The following NEB variants were observed in gnomAD, a reference collection of about 807,000 sequenced individuals.
NEB encodes nemaline myopathy type 2.
Under a neutral mutation model 952.2 loss-of-function variants are expected in NEB, and 512 were observed. That is an observed-to-expected ratio of 0.54 (90% CI 0.50 to 0.58). NEB has a LOEUF of 0.58. Among genes scored for constraint, NEB ranks in the 20% least tolerant of loss-of-function variants. NEB has a pLI of 0.00. For missense variants in NEB, 8,428 were observed against 9,231.1 expected (o/e 0.91, Z 3.56); for synonymous variants, 2,900 against 3,149.8 (o/e 0.92, Z 2.66).
At chr2:151,628,305 C>A (rs754158432) in intron 68 of NEB, among the ~76,000 whole-genome samples, 85 of 152,198 alleles carry the variant, frequency 5.6e-4, no homozygotes, top group Non-Finnish European at 1.2e-3. Context: ...ACACTCCTTC[C>A]CAAATCCAGC....
chr2:151,489,049 G>A (rs930630771), intron 181 of NEB, among the ~76,000 whole-genome samples: 47 of 152,096 alleles, frequency 3.1e-4, no homozygotes, highest in African/African-American at 1.1e-3. Context: ...GGTTAGCACA[G>A]TTTCTTTAAA....
In NEB at chr2:151,695,665, T is replaced by C. The variant is rs2099590689; in HGVS notation, c.1587A>G (p.Lys529=). 5 of 1,613,162 alleles carry C rather than the reference T, an allele frequency of 3.1e-6. 1 individual carries two copies. In the South Asian group the frequency reaches 5.5e-5, roughly 18 times the overall value. Residue 529 remains lysine (K), a synonymous_variant, in exon 18 of 182, where the codon AAA becomes AAG. Coordinates refer to ENST00000397345, the MANE Select transcript of NEB (RefSeq NM_001164508.2). The stretch of plus-strand genomic sequence containing the variant: ...GGCACTTGAACTTTTCACTTTCATG[T>C]TTTGCTTTGTAATTTAACTATGACA... The part of the protein sequence containing the change: ...KQLSDLNYKA[K]HESEKFKCHI...
rs1423681432 is a variant in NEB at position 151,570,342 on chromosome 2, G to A, written c.17169C>T (p.Thr5723=). The change falls in exon 109 of 182, where the codon ACC becomes ACT. Residue 5723 remains threonine, a synonymous_variant. Transcript: ENST00000397345. ...HEKQKGHYVG[T]LTARDDNKIR... ...TCTTGTTGTCATCCCTGGCTGTGAG[G>A]GTGCCCACGTAGTGTCCCTTCTGCT... The A allele has an allele frequency of 1.2e-6, 2 of 1,602,924 alleles. No individual in the cohort carries two copies. Among genetic ancestry groups the A allele is most frequent in the South Asian group, 1.1e-5 (1 of 89,820 alleles).
rs752982584 is a variant in NEB, at chr2:151,512,849, C to T, written c.23242-12G>A. 4 of 1,567,960 alleles carry T rather than the reference C, an allele frequency of 2.6e-6. No individual in the cohort carries two copies. The highest frequency in any genetic ancestry group is 3.5e-6 in the Non-Finnish European group (4 of 1,140,284). ...TGCTTATACTTAATCTGTAAAACAA[C>T]ACCGAATAGTTGGGTAAATGTTTGC... On this transcript the variant is annotated splice_polypyrimidine_tract_variant and intron_variant, in intron 160 of 181. Transcript: ENST00000397345.
chr2:151,695,343 G>A (rs1326896400), intron 18 of NEB, among the ~76,000 whole-genome samples: 1 of 152,036 alleles, frequency 6.6e-6, no homozygotes, highest in African/African-American at 2.4e-5. Flanking sequence ...CTGAGGGCTG[G>A]TTACAATACT....
In NEB at chr2:151,636,247, A is replaced by G; in HGVS notation, c.9082T>C (p.Ser3028Pro). Residue 3028 changes from serine (S) to proline (P), a missense_variant, in exon 64 of 182, where the codon TCC (serine) becomes CCC (proline). This residue lies in a region of NEB where 1,772 missense variants were observed against 1,960.3 expected (regional missense o/e 0.90). Transcript: ENST00000397345. Reference protein sequence around the residue: ...DAIPIVAAKASRDIISDYKYK... With the variant: ...DAIPIVAAKAPRDIISDYKYK... ...CTCACGTCACTGATGATGTCCCTGG[A>G]GGCCTTGGCCGCCACGATGGGGATG... 2 of 1,609,758 alleles carry G rather than the reference A, an allele frequency of 1.2e-6. No homozygotes were observed. The highest frequency in any genetic ancestry group is 1.7e-6 in the Non-Finnish European group (2 of 1,179,556).
intron 3 of NEB, 118 bp from the exon 4 acceptor site, chr2:151,729,774 G>C: frequency 9.5e-7 from 1 of 1,047,442 alleles, no homozygotes; most frequent in Non-Finnish European, 1.5e-6. Flanking sequence ...ATGTCTGTGG[G>C]AAAGGGGTAG....
chr2:151,669,963 G>T (rs2099265775), intron 38 of NEB, among the ~76,000 whole-genome samples: 1 of 152,166 alleles, frequency 6.6e-6, no homozygotes, highest in African/African-American at 2.4e-5. Flanking sequence ...CTCAGCAGAG[G>T]TACTGCATGT....
At chr2:151,631,414 G>T (rs2098664735) in intron 65 of NEB, 68 bp from the exon 66 acceptor site, 1 of 1,488,298 alleles carries the variant, frequency 6.7e-7, no homozygotes, top group Non-Finnish European at 9.2e-7. Flanking sequence ...TATGCAAATA[G>T]AATCAGTAAT....
chr2:151,708,798 C>A (rs756245968), intron 12 of NEB, among the ~76,000 whole-genome samples: 45 of 152,316 alleles, frequency 3.0e-4, no homozygotes, highest in Admixed American at 5.2e-4. Flanking sequence ...CCATAGTCTT[C>A]CCTGTCTCAA....
chr2:151,672,671 T>C lies in NEB; in HGVS notation c.3997A>G (p.Lys1333Glu). Residue 1333 changes from lysine to glutamate, a missense_variant, in exon 37 of 182, where the codon AAG becomes GAG. Lys to Glu is a moderately conservative substitution (Grantham distance 56, BLOSUM62 1). Around this residue, in one of 11 missense-constraint regions of NEB, gnomAD observed 2,851 missense variants for 2,791.5 expected, o/e 1.02. Coordinates refer to ENST00000397345, the MANE Select transcript of NEB (RefSeq NM_001164508.2). ...CCCTTTGACTTCTCATAAGCTTCCT[T>C]GTATTTATACTGTGGAGGCAGAATT... is the stretch of plus-strand genomic sequence containing the variant. Reference protein sequence around the residue: ...SRNIASDYKYKEAYEKSKGKH... With the variant: ...SRNIASDYKYEEAYEKSKGKH... The C allele has an allele frequency of 6.2e-7, 1 of 1,613,032 alleles. No individual in the cohort carries two copies. The highest frequency in any genetic ancestry group is 2.2e-5 in the East Asian group (1 of 44,874).
rs1472278400 is a variant in NEB at position 151,626,863 on chromosome 2, C to A, written c.10347+139G>T. On this transcript the variant is annotated intron_variant, in intron 70 of 181. Transcript: ENST00000397345. ...AATGCTCCCATATATTGTTATCTAA[C>A]AGAATAGAGAATTCAACTGAATCAC... 1.7e-5 allele frequency: 19 copies of A among 1,090,526 alleles called. No individual in the cohort carries two copies. The East Asian group carries it at 4.8e-4, about 28-fold the overall frequency. The allele number at this position is 1,090,526 out of a possible 1,614,324, so 67.6% of individuals were successfully genotyped here.
In NEB at chr2:151,567,349, T is replaced by A. The variant is rs749875634; in HGVS notation, c.17975A>T (p.Asp5992Val). Residue 5992 changes from aspartate (D) to valine (V), a missense_variant, in exon 114 of 182, where the codon GAC (aspartate) becomes GTC (valine). Around this residue, in one of 11 missense-constraint regions of NEB, gnomAD observed 3,374 missense variants for 3,651.5 expected, o/e 0.92. Transcript: ENST00000397345. ...GATTTTGGCCTTTGTTTTGTGATAG[T>A]CCTCTTTGTATAGTCTCTCATTCTG... ...QIQNERLYKE[D>V]YHKTKAKINI... is the part of the protein sequence containing the mutation. The A allele has an allele frequency of 1.4e-5, 23 of 1,613,924 alleles. No homozygotes were observed. The highest frequency in any genetic ancestry group is 1.9e-5 in the Non-Finnish European group (22 of 1,179,842).
rs5835371 is a variant in NEB at position 151,524,654 on chromosome 2, CTTTTTTTTTTTTTTTTTTT to C, written c.22273-57_22273-39del. 33 of 257,384 alleles carry C rather than the reference CTTTTTTTTTTTTTTTTTTT, an allele frequency of 1.3e-4. 2 individuals carry two copies. In the East Asian group the frequency reaches 2.6e-3, roughly 21 times the overall value. The allele number at this position is 257,384 out of a possible 1,614,324, so 15.9% of individuals were successfully genotyped here. On this transcript the variant is annotated intron_variant, in intron 151 of 181. Coordinates refer to ENST00000397345, the MANE Select transcript of NEB (RefSeq NM_001164508.2). Reference sequence around the variant, plus strand: ...AGAAAATGTTTACTCAAGAGAGAGGCTTTTTTTTTTTTTTTTTTTTTTTTTTTTTTGAGATGGAATCTCA... The same window carrying C: ...AGAAAATGTTTACTCAAGAGAGAGGCTTTTTTTTTTTGAGATGGAATCTCA...
chr2:151,509,578 A>G (rs2072340041), intron 161 of NEB, among the ~76,000 whole-genome samples: 1 of 152,096 alleles, frequency 6.6e-6, no homozygotes, highest in African/African-American at 2.4e-5. Context: ...TCGTGGCCCA[A>G]TAATGAAATG....
chr2:151,531,897 CT>C lies in NEB; in HGVS notation c.21418-2del. ...TTTCATAGTTTTTCCTGTATTTGAT[CT>C]AAATTGTGGAAGAGAAGAAAGAGCT... On this transcript the variant is annotated splice_acceptor_variant, in intron 143 of 181. Coordinates refer to ENST00000397345, the MANE Select transcript of NEB (RefSeq NM_001164508.2). LOFTEE classifies it high-confidence loss of function. The C allele has an allele frequency of 6.5e-7, 1 of 1,537,652 alleles. No homozygotes were observed. Among genetic ancestry groups the C allele is most frequent in the Non-Finnish European group, 8.8e-7 (1 of 1,134,614 alleles).
At chr2:151,520,114 T>A (rs1426236511) in intron 153 of NEB, 1 of 168,678 alleles carries the variant, frequency 5.9e-6, no homozygotes, top group East Asian at 1.6e-4. Context: ...TTGGAGCATT[T>A]TAGCACTCCT....
rs117339427 is a variant in NEB, at chr2:151,540,000, C to T, written c.20892+344G>A. Among the ~76,000 whole-genome samples, 183 of 152,254 alleles carry T rather than the reference C, an allele frequency of 1.2e-3. 1 individual carries two copies. The East Asian group carries it at 0.025, about 21-fold the overall frequency. On this transcript the variant is annotated intron_variant, in intron 138 of 181. Transcript: ENST00000397345. ...ATAGAGTCATACAGCAGGCAAGTAA[C>T]AGCATCAGGATTTGAATCCATGTCT...
In NEB at chr2:151,568,693, T is replaced by C; in HGVS notation, c.17559A>G (p.Glu5853=). ...FSEKKYRTKI[E]TLNFTPVDDR... ...CATCCACAGGCGTAAAGTTGAGAGT[T>C]TCTATTTTTGTGCGATATTTTTTCT... The change falls in exon 111 of 182, where the codon GAA becomes GAG. Residue 5853 remains glutamate (E), a synonymous_variant. Transcript: ENST00000397345. 1 of 1,603,094 alleles carries C rather than the reference T, an allele frequency of 6.2e-7. No homozygotes were observed. Among genetic ancestry groups the C allele is most frequent in the Non-Finnish European group, 8.5e-7 (1 of 1,174,590 alleles).
Sources: gnomAD v4.1 joint callset for allele counts (sites outside exome capture counted in the v4.1 genomes callset) on GRCh38, gnomAD v4.1.1 for gene constraint, gnomAD v4.1.1 regional missense constraint, MANE v1.5 for transcripts, NCBI Gene and HGNC (gene_info 2026-07-23, HGNC 2026-07-21) for gene names.